PKNOX2: variants seen among roughly 807,000 people sequenced by gnomAD.
PKNOX2 encodes the protein PBX/knotted 1 homeobox 2, also known as homeobox protein PKNOX2.
Under a neutral mutation model 53.1 loss-of-function variants are expected in PKNOX2, and 14 were observed. The observed-to-expected ratio is 0.26, with a 90% CI of 0.17 to 0.41. PKNOX2 has a LOEUF of 0.41. Among genes scored for constraint, PKNOX2 ranks in the 10% least tolerant of loss-of-function variants. PKNOX2 has a pLI of 1.00. For missense variants in PKNOX2, 496 were observed against 602.8 expected, an observed-to-expected ratio of 0.82 and a Z score of 1.85; for synonymous variants, 257 against 242.8, an observed-to-expected ratio of 1.06 and a Z score of -0.54.
intron 2 of PKNOX2, among the ~76,000 whole-genome samples, chr11:125,303,155 C>T (rs1948190903): frequency 6.6e-6 from 1 of 152,244 alleles, no homozygotes; most frequent in South Asian, 2.1e-4. Context: ...ACCTGACCTG[C>T]AGCTGGGACC....
At chr11:125,205,118 A>C (rs1023011393) in intron 1 of PKNOX2, among the ~76,000 whole-genome samples, 2 of 152,250 alleles carry the variant, frequency 1.3e-5, no homozygotes, top group African/African-American at 4.8e-5. Flanking sequence ...CCTAGAAAGG[A>C]GTGAGTCAGA....
chr11:125,336,850 A>G (rs1423643332), intron 3 of PKNOX2, among the ~76,000 whole-genome samples: 1 of 147,572 alleles, frequency 6.8e-6, no homozygotes, highest in Non-Finnish European at 1.5e-5. Context: ...ATTATATAAT[A>G]TGTAATATTA....
intron 7 of PKNOX2, among the ~76,000 whole-genome samples, chr11:125,403,088 G>C (rs2135490161): frequency 6.6e-6 from 1 of 152,314 alleles, no homozygotes; most frequent in South Asian, 2.1e-4. Flanking sequence ...GAGAAACAGA[G>C]AGAGCCAATC....
chr11:125,191,022 T>G (rs1346948038), intron 1 of PKNOX2: 1 of 152,256 alleles, frequency 6.6e-6, no homozygotes, highest in Non-Finnish European at 1.5e-5. Context: ...GCCGCATCTT[T>G]TTCATCTTTT....
At chr11:125,340,347 C>T (rs1950617181) in intron 3 of PKNOX2, among the ~76,000 whole-genome samples, 1 of 152,218 alleles carries the variant, frequency 6.6e-6, no homozygotes, top group Non-Finnish European at 1.5e-5. Flanking sequence ...TTATAATCAG[C>T]CTCACCTTTT....
intron 4 of PKNOX2, among the ~76,000 whole-genome samples, chr11:125,364,775 G>A (rs931110955): frequency 6.6e-6 from 1 of 152,126 alleles, no homozygotes. Context: ...CGTCAAATTC[G>A]AGCCTCACAC....
intron 1 of PKNOX2, among the ~76,000 whole-genome samples, chr11:125,195,452 G>T (rs1957121273): frequency 6.6e-6 from 1 of 152,170 alleles, no homozygotes; most frequent in Admixed American, 6.5e-5. Context: ...GAGGGGTGAA[G>T]ACTTTCAGCA....
rs144439331 is a variant in PKNOX2 at position 125,274,329 on chromosome 11, C to T, written c.-130+39214C>T. ...ATGGTCTCGGGAAAGACATGATGAG[C>T]CTGAAGGGTAAGGGATATCGAGCTC... is the stretch of plus-strand genomic sequence containing the variant. On this transcript the variant is annotated intron_variant, in intron 2 of 12. Transcript: ENST00000298282. Among the ~76,000 whole-genome samples the T allele has an allele frequency of 2.8e-4, 42 of 152,194 alleles. 1 individual carries two copies. The highest frequency in any genetic ancestry group is 5.3e-4 in the Non-Finnish European group (36 of 68,010).
chr11:125,263,071 T>G (rs191856455), intron 2 of PKNOX2, among the ~76,000 whole-genome samples: 5 of 152,204 alleles, frequency 3.3e-5, no homozygotes, highest in Admixed American at 3.3e-4. Context: ...CCAGAGCCAG[T>G]GGTGTGGTGC....
rs1316049085 is a variant in PKNOX2 at position 125,396,950 on chromosome 11, T to C, written c.400-924T>C. ...AAACAAAATTGCATGCACAAGGTTATTGAAACTATGTTAAAATATATGGGT... is the reference window on the plus strand; with the variant it reads ...AAACAAAATTGCATGCACAAGGTTACTGAAACTATGTTAAAATATATGGGT... On this transcript the variant is annotated intron_variant, in intron 6 of 12. Transcript: ENST00000298282. Among the ~76,000 whole-genome samples the C allele has an allele frequency of 5.9e-5, 9 of 152,236 alleles. No individual in the cohort carries two copies. The South Asian group carries it at 8.3e-4, about 14-fold the overall frequency.
chr11:125,420,544 G>T (rs1049276500), intron 10 of PKNOX2, among the ~76,000 whole-genome samples: 1 of 152,018 alleles, frequency 6.6e-6, no homozygotes, highest in African/African-American at 2.4e-5. Flanking sequence ...AAAGAAGAAT[G>T]CTAGTGCTTG....
intron 2 of PKNOX2, among the ~76,000 whole-genome samples, chr11:125,247,785 G>A (rs1943673022): frequency 6.6e-6 from 1 of 152,156 alleles, no homozygotes. Context: ...GATCTCCAGA[G>A]GTGCGCAGGA....
At chr11:125,312,754 A>G (rs1345390250) in intron 2 of PKNOX2, among the ~76,000 whole-genome samples, 1 of 152,180 alleles carries the variant, frequency 6.6e-6, no homozygotes, top group East Asian at 1.9e-4. Context: ...CAGCAGCACC[A>G]TACAGGTGTG....
intron 10 of PKNOX2, among the ~76,000 whole-genome samples, chr11:125,420,695 A>G (rs1241706008): frequency 2.6e-5 from 4 of 152,158 alleles, no homozygotes; most frequent in Non-Finnish European, 5.9e-5. Flanking sequence ...ATGAAAGCTT[A>G]TTTAGATCAT....
intron 9 of PKNOX2, chr11:125,411,194 G>C: frequency 3.2e-6 from 1 of 317,356 alleles, no homozygotes; most frequent in Non-Finnish European, 6.0e-6. Context: ...GGAAGTCAGA[G>C]TCTGGGATCT....
intron 2 of PKNOX2, among the ~76,000 whole-genome samples, chr11:125,243,726 C>T (rs1309842417): frequency 1.3e-5 from 2 of 151,964 alleles, no homozygotes; most frequent in Non-Finnish European, 2.9e-5. Flanking sequence ...TGGTTCATGC[C>T]GTTCTCCTGC....
intron 5 of PKNOX2, among the ~76,000 whole-genome samples, chr11:125,378,500 G>A (rs879828353): frequency 1.3e-5 from 2 of 152,234 alleles, no homozygotes; most frequent in African/African-American, 2.4e-5. Flanking sequence ...GGGGTTCAGG[G>A]ATGGGGTGGG....
intron 2 of PKNOX2, among the ~76,000 whole-genome samples, chr11:125,286,751 G>T (rs1360812992): frequency 6.6e-6 from 1 of 152,234 alleles, no homozygotes; most frequent in African/African-American, 2.4e-5. Flanking sequence ...CTGGGCTTGG[G>T]TTCTGTCTGG....
chr11:125,218,579 G>A (rs1407271009), intron 1 of PKNOX2, among the ~76,000 whole-genome samples: 2 of 152,180 alleles, frequency 1.3e-5, no homozygotes, highest in Non-Finnish European at 2.9e-5. Flanking sequence ...CAGGGACAGG[G>A]TGAGAGCTAA....
Sources: allele counts gnomAD v4.1 joint callset (sites outside exome capture counted in the v4.1 genomes callset), GRCh38; gene constraint gnomAD v4.1.1; transcripts MANE v1.5; gene names NCBI Gene and HGNC (gene_info 2026-07-23, HGNC 2026-07-21).